Variants in EYS observed in about 807,000 individuals in gnomAD.
EYS encodes protein eyes shut homolog.
Under a neutral mutation model 282.1 loss-of-function variants are expected in EYS, and 250 were observed. The ratio of observed to expected loss-of-function variants is 0.89; its 90% CI spans 0.80 to 0.98. The LOEUF is 0.98. EYS is among the 50% of genes least tolerant of loss of function. The pLI is 0.00. For missense variants in EYS, 4,016 were observed against 3,709.0 expected, an observed-to-expected ratio of 1.08 and a Z score of -2.15; for synonymous variants, 1,355 against 1,282.9, an observed-to-expected ratio of 1.06 and a Z score of -1.20.
At chr6:63,747,105 T>C (rs1769229271) in intron 41 of EYS, among the ~76,000 whole-genome samples, 1 of 152,244 alleles carries the variant, frequency 6.6e-6, no homozygotes, top group Admixed American at 6.5e-5. Context: ...CTGCTTTAGC[T>C]GTGTCCTAAA....
At chr6:64,222,465 G>GT (rs1766133186) in intron 31 of EYS, among the ~76,000 whole-genome samples, 1 of 151,898 alleles carries the variant, frequency 6.6e-6, no homozygotes, top group South Asian at 2.1e-4. Flanking sequence ...ATTAGCCCTT[G>GT]TTTTTACTGT....
intron 25 of EYS, 38 bp from the exon 26 acceptor site, chr6:64,592,027 G>A (rs1388872147): frequency 1.4e-6 from 2 of 1,413,564 alleles, no homozygotes; most frequent in South Asian, 3.1e-5. Context: ...TTAGAAAAAT[G>A]AATCAGAAAC....
chr6:64,805,198 C>T (rs1426757252), intron 22 of EYS, among the ~76,000 whole-genome samples: 1 of 151,968 alleles, frequency 6.6e-6, no homozygotes, highest in African/African-American at 2.4e-5. Context: ...AACGAGTAGT[C>T]TCATTTTATT....
At chr6:65,443,214 T>C (rs1324962269) in intron 5 of EYS, among the ~76,000 whole-genome samples, 1 of 151,666 alleles carries the variant, frequency 6.6e-6, no homozygotes. Flanking sequence ...TATGTATGCA[T>C]CATATACACA....
chr6:65,493,120 G>A (rs1766109080), intron 4 of EYS, among the ~76,000 whole-genome samples: 1 of 152,036 alleles, frequency 6.6e-6, no homozygotes, highest in South Asian at 2.1e-4. Context: ...TCACCATGTT[G>A]GCCAGGCTGG....
chr6:65,584,945 A>C (rs1582485086), intron 2 of EYS, among the ~76,000 whole-genome samples: 1 of 150,952 alleles, frequency 6.6e-6, no homozygotes, highest in Non-Finnish European at 1.5e-5. Flanking sequence ...AAACTTTGTG[A>C]TTTTATAATT....
chr6:63,950,198 A>AC (rs1261725058), intron 35 of EYS, among the ~76,000 whole-genome samples: 8 of 151,092 alleles, frequency 5.3e-5, no homozygotes, highest in Admixed American at 1.3e-4. Flanking sequence ...ACAAAACAAA[A>AC]AAAAAAAACA....
intron 23 of EYS, among the ~76,000 whole-genome samples, chr6:64,625,831 A>C (rs1767591156): frequency 6.6e-6 from 1 of 152,226 alleles, no homozygotes; most frequent in African/African-American, 2.4e-5. Flanking sequence ...AATTGATACA[A>C]AGATCAGAAG....
intron 22 of EYS, among the ~76,000 whole-genome samples, chr6:64,795,231 G>A (rs544524704): frequency 5.3e-4 from 52 of 97,986 alleles, no homozygotes; most frequent in African/African-American, 1.2e-3. Flanking sequence ...GCAAAACTCC[G>A]TCTCAAAAAA....
chr6:65,183,236 A>G (rs891031775), intron 12 of EYS, among the ~76,000 whole-genome samples: 5 of 151,948 alleles, frequency 3.3e-5, no homozygotes, highest in Admixed American at 2.6e-4. Flanking sequence ...GCATAATGCC[A>G]TATGTTCTCA....
chr6:64,816,996 T>A (rs1010235389), intron 21 of EYS, among the ~76,000 whole-genome samples: 3 of 151,494 alleles, frequency 2.0e-5, no homozygotes, highest in Non-Finnish European at 2.9e-5. Flanking sequence ...AGTAGAATAA[T>A]TTTCTATGAT....
chr6:65,662,326 A>C (rs1453582972), intron 1 of EYS, among the ~76,000 whole-genome samples: 1 of 152,136 alleles, frequency 6.6e-6, no homozygotes, highest in Non-Finnish European at 1.5e-5. Flanking sequence ...TCTCCAAGCT[A>C]ATGTCCAATC....
At chr6:64,101,517 A>C (rs1772826244) in intron 31 of EYS, among the ~76,000 whole-genome samples, 1 of 151,956 alleles carries the variant, frequency 6.6e-6, no homozygotes, top group Non-Finnish European at 1.5e-5. Flanking sequence ...ACAAAAACAA[A>C]AATAGAAAAC....
chr6:64,538,027 T>G (rs932246958), intron 26 of EYS, among the ~76,000 whole-genome samples: 1 of 152,146 alleles, frequency 6.6e-6, no homozygotes, highest in Non-Finnish European at 1.5e-5. Flanking sequence ...ATACCATAGA[T>G]GTCATGATTA....
chr6:64,312,473 CCTGA>C (rs1769756352), intron 29 of EYS, among the ~76,000 whole-genome samples: 1 of 152,140 alleles, frequency 6.6e-6, no homozygotes. Flanking sequence ...CTTAAATATC[CCTGA>C]CTGACTACTC....
At chr6:65,405,661 C>T (rs1267040673) in intron 5 of EYS, among the ~76,000 whole-genome samples, 1 of 152,002 alleles carries the variant, frequency 6.6e-6, no homozygotes, top group Non-Finnish European at 1.5e-5. Flanking sequence ...AAGCCCAGTT[C>T]CAGGCATTTC....
At chr6:64,454,182 G>A (rs1441658781) in intron 26 of EYS, among the ~76,000 whole-genome samples, 3 of 152,020 alleles carry the variant, frequency 2.0e-5, no homozygotes, top group South Asian at 2.1e-4. Context: ...GGCTCTGTCA[G>A]GCAGTGTTCT....
intron 28 of EYS, among the ~76,000 whole-genome samples, chr6:64,424,673 C>T (rs1458914326): frequency 6.6e-6 from 1 of 152,170 alleles, no homozygotes; most frequent in African/African-American, 2.4e-5. Context: ...CAAGTTTCAT[C>T]CCTGCCTTTC....
chr6:64,073,722 C>T (rs902164704), intron 32 of EYS, among the ~76,000 whole-genome samples: 1 of 151,334 alleles, frequency 6.6e-6, no homozygotes, highest in Non-Finnish European at 1.5e-5. Flanking sequence ...CAACATTGCT[C>T]GTTGAATGTA....
Sources: gnomAD v4.1 joint callset for allele counts (sites outside exome capture counted in the v4.1 genomes callset) on GRCh38, gnomAD v4.1.1 for gene constraint, MANE v1.5 for transcripts, NCBI Gene and HGNC (gene_info 2026-07-23, HGNC 2026-07-21) for gene names.